Variants in GALNT9 observed in about 807,000 individuals in gnomAD.
GALNT9 encodes polypeptide N-acetylgalactosaminyltransferase 9.
Under a neutral mutation model 63.1 loss-of-function variants are expected in GALNT9, and 47 were observed. The observed-to-expected ratio is 0.75, with a 90% CI of 0.59 to 0.95. The LOEUF is 0.95. Ranked by LOEUF, GALNT9 falls within the 40% of genes least tolerant of loss-of-function variation. GALNT9 has a pLI of 0.00. For synonymous variants in GALNT9, 396 were observed against 365.7 expected (o/e 1.08, Z -0.94); for missense variants, 829 against 874.8 (o/e 0.95, Z 0.66).
intron 1 of GALNT9, among the ~76,000 whole-genome samples, chr12:132,321,498 T>C (rs571862227): frequency 6.6e-6 from 1 of 152,284 alleles, no homozygotes; most frequent in East Asian, 1.9e-4. Flanking sequence ...GTCCGGAGCC[T>C]GGGAGTGCAG....
At chr12:132,278,633 G>T (rs1880207092) in intron 2 of GALNT9, 1 of 152,234 alleles carries the variant, frequency 6.6e-6, no homozygotes, top group Admixed American at 6.5e-5. Flanking sequence ...CTGGTTTAGG[G>T]GAATCGGGAG....
At position 132,310,131 on chromosome 12, in the gene GALNT9, T is replaced by C. The variant is rs535947052; in HGVS notation, c.238+18835A>G. ...TTTCGTGCCTGGAACCAGGACTCAA[T>C]GCTCGGGGCTGGAGCAGCCAATGTG... On this transcript the variant is annotated intron_variant, in intron 1 of 10. Transcript: ENST00000328957. The surrounding 1 kb of genome is among the most constrained non-coding windows in gnomAD (Gnocchi z 4.8). Among the ~76,000 whole-genome samples the C allele has an allele frequency of 2.0e-5, 3 of 152,334 alleles. No homozygotes were observed. The East Asian group carries it at 5.8e-4, about 29-fold the overall frequency.
At chr12:132,283,999 G>A (rs1231715645) in intron 2 of GALNT9, 2 of 152,168 alleles carry the variant, frequency 1.3e-5, no homozygotes, top group Non-Finnish European at 2.9e-5. Context: ...TCCAGCAGTG[G>A]GGCTAGCCCT....
intron 1 of GALNT9, among the ~76,000 whole-genome samples, chr12:132,314,170 C>A (rs555495339): frequency 1.5e-5 from 2 of 129,550 alleles, no homozygotes; most frequent in Non-Finnish European, 3.3e-5. Context: ...ATCCACCTAC[C>A]CACCATCATC....
At chr12:132,242,342 C>G (rs1591588364) in intron 6 of GALNT9, among the ~76,000 whole-genome samples, 1 of 9,888 alleles carries the variant, frequency 1.0e-4, no homozygotes, top group Non-Finnish European at 1.7e-4. Flanking sequence ...GCCACACCCC[C>G]TTCCCGGGGC....
chr12:132,206,646 C>CA (rs34047036), intron 6 of GALNT9, among the ~76,000 whole-genome samples: 73,588 of 135,462 alleles, frequency 0.54, 20,379 homozygotes, highest in Non-Finnish European at 0.61. Context: ...GACTCCGTCT[C>CA]AAAAAAAAAA....
chr12:132,202,579 C>T (rs77018604), intron 7 of GALNT9, among the ~76,000 whole-genome samples: 6,439 of 152,248 alleles, frequency 0.042, 452 homozygotes, highest in African/African-American at 0.15. Context: ...TTTGGTGCTA[C>T]GTACACAAAG....
At chr12:132,294,489 C>G (rs142459245) in intron 1 of GALNT9, among the ~76,000 whole-genome samples, 4 of 152,214 alleles carry the variant, frequency 2.6e-5, no homozygotes, top group Non-Finnish European at 4.4e-5. Flanking sequence ...TGGTGACCTC[C>G]GGGTGATGCT....
intron 1 of GALNT9, among the ~76,000 whole-genome samples, chr12:132,291,934 T>C (rs61943950): frequency 0.48 from 73,268 of 152,100 alleles, 19,945 homozygotes; most frequent in African/African-American, 0.75. Context: ...TCACGGCAGC[T>C]GTGGCCCCCC....
chr12:132,258,737 C>G (rs1355782292), intron 4 of GALNT9, among the ~76,000 whole-genome samples: 1 of 152,184 alleles, frequency 6.6e-6, no homozygotes, highest in African/African-American at 2.4e-5. Flanking sequence ...TGGGCATCAG[C>G]TCAGTCTTCG....
chr12:132,210,187 G>C (rs1263563636), intron 6 of GALNT9, among the ~76,000 whole-genome samples: 1 of 152,218 alleles, frequency 6.6e-6, no homozygotes, highest in East Asian at 1.9e-4. Flanking sequence ...CCCCGGGCTG[G>C]CACATCACAG....
chr12:132,199,307 C>T (rs1446115258), intron 8 of GALNT9, 38 bp from the exon 9 acceptor site: 5 of 1,476,624 alleles, frequency 3.4e-6, no homozygotes, highest in Non-Finnish European at 4.7e-6. Flanking sequence ...CCAGAGTCAC[C>T]CGAGGGTGCG....
intron 6 of GALNT9, among the ~76,000 whole-genome samples, chr12:132,218,811 C>G (rs1383499552): frequency 2.6e-5 from 4 of 152,254 alleles, no homozygotes; most frequent in Non-Finnish European, 5.9e-5. Flanking sequence ...CATTCCCACC[C>G]CAGGGCCAGC....
intron 1 of GALNT9, among the ~76,000 whole-genome samples, chr12:132,291,490 A>T (rs1322943492): frequency 1.8e-3 from 116 of 63,114 alleles, no homozygotes; most frequent in Admixed American, 3.4e-3. Context: ...AGCACCCACA[A>T]CCACAGCGCC....
intron 6 of GALNT9, among the ~76,000 whole-genome samples, chr12:132,210,291 G>A (rs1347578762): frequency 2.0e-5 from 3 of 152,264 alleles, no homozygotes; most frequent in South Asian, 2.1e-4. Context: ...CTTTGGCGGC[G>A]CTGTGGGCCT....
intron 2 of GALNT9, chr12:132,278,081 G>C (rs1332832642): frequency 6.7e-6 from 1 of 149,862 alleles, no homozygotes; most frequent in East Asian, 2.0e-4. Context: ...TGGCCCCTGC[G>C]GGCTCTGGGG....
In GALNT9 at chr12:132,277,189, G is replaced by A. The variant is rs141849141; in HGVS notation, c.419+9061C>T. On this transcript the variant is annotated intron_variant, in intron 2 of 10. Transcript: ENST00000328957. ...TCCAAGTCTGAGTTTCAAGTGGGCC[G>A]GGCTGAGCTTGCTTTTGTTTACTTC... 2.3e-3 allele frequency: 359 copies of A among 154,700 alleles called. 3 individuals are homozygous for A. The highest frequency in any genetic ancestry group is 6.1e-3 in the African/African-American group (255 of 41,642). 9.6% of individuals were successfully genotyped at this position (154,700 alleles called of 1,614,324 possible).
intron 2 of GALNT9, among the ~76,000 whole-genome samples, chr12:132,270,034 A>C (rs979545731): frequency 6.6e-6 from 1 of 152,250 alleles, no homozygotes; most frequent in Non-Finnish European, 1.5e-5. Flanking sequence ...TCTTCAAAGA[A>C]AACTGCTCCT....
At chr12:132,217,789 G>T (rs185576953) in intron 6 of GALNT9, among the ~76,000 whole-genome samples, 61 of 128,678 alleles carry the variant, frequency 4.7e-4, no homozygotes, top group Middle Eastern at 5.7e-3. Flanking sequence ...CATCCACCCA[G>T]CCATCCATCC....
Sources: allele counts gnomAD v4.1 joint callset (sites outside exome capture counted in the v4.1 genomes callset), GRCh38; gene constraint gnomAD v4.1.1; non-coding constraint Gnocchi (gnomAD v3.1); transcripts MANE v1.5; gene names NCBI Gene and HGNC (gene_info 2026-07-23, HGNC 2026-07-21).